NAALADL2: variants seen among roughly 807,000 people sequenced by gnomAD.
NAALADL2 encodes inactive N-acetylated-alpha-linked acidic dipeptidase-like protein 2.
A neutral mutation model predicts 87.2 loss-of-function variants in NAALADL2; 76 were observed. That is an observed-to-expected ratio of 0.87 (90% CI 0.72 to 1.05). NAALADL2 has a LOEUF of 1.05. Among genes scored for constraint, NAALADL2 ranks in the 50% least tolerant of loss-of-function variants. The pLI is 0.00. For synonymous variants in NAALADL2, 354 were observed against 331.0 expected, an observed-to-expected ratio of 1.07 and a Z score of -0.75; for missense variants, 1,089 against 945.8, an observed-to-expected ratio of 1.15 and a Z score of -1.99.
At chr3:174,683,166 A>G (rs970925003) in intron 2 of NAALADL2, among the ~76,000 whole-genome samples, 5 of 152,212 alleles carry the variant, frequency 3.3e-5, no homozygotes, top group African/African-American at 1.2e-4. Flanking sequence ...CAGAATAAAG[A>G]ATTAGTGAGC....
At chr3:175,470,965 C>G (rs1231019918) in intron 8 of NAALADL2, among the ~76,000 whole-genome samples, 1 of 152,204 alleles carries the variant, frequency 6.6e-6, no homozygotes, top group Non-Finnish European at 1.5e-5. Flanking sequence ...AGTGGTTTAT[C>G]TATATCTCCC....
At chr3:175,140,394 A>G (rs1268803793) in intron 2 of NAALADL2, among the ~76,000 whole-genome samples, 1 of 152,152 alleles carries the variant, frequency 6.6e-6, no homozygotes, top group African/African-American at 2.4e-5. Context: ...TCTGGGAATG[A>G]GAATTATGCA....
chr3:175,218,124 G>T, intron 2 of NAALADL2: 1 of 445,798 alleles, frequency 2.2e-6, no homozygotes, highest in Non-Finnish European at 4.5e-6. Flanking sequence ...TGAAATTAAG[G>T]TAATCAGCTT....
At chr3:174,573,454 G>A (rs987164011) in intron 2 of NAALADL2, among the ~76,000 whole-genome samples, 2 of 152,130 alleles carry the variant, frequency 1.3e-5, no homozygotes, top group African/African-American at 4.8e-5. Flanking sequence ...ATCGCATGGT[G>A]TAAATATTCC....
chr3:175,152,947 C>G (rs2108792755), intron 2 of NAALADL2, among the ~76,000 whole-genome samples: 1 of 151,838 alleles, frequency 6.6e-6, no homozygotes, highest in South Asian at 2.1e-4. Flanking sequence ...TAAATATGTT[C>G]CCAATAGAAG....
intron 4 of NAALADL2, among the ~76,000 whole-genome samples, chr3:175,320,785 G>A (rs1191894228): frequency 6.6e-6 from 1 of 151,894 alleles, no homozygotes; most frequent in Non-Finnish European, 1.5e-5. Flanking sequence ...GACTAAACCA[G>A]GAAGAAGTTG....
intron 2 of NAALADL2, among the ~76,000 whole-genome samples, chr3:175,190,805 T>C (rs1298015664): frequency 6.6e-6 from 1 of 151,514 alleles, no homozygotes; most frequent in Admixed American, 6.6e-5. Flanking sequence ...TGAAACCCCG[T>C]CTCTACTAAA....
chr3:174,714,150 A>G (rs993985677), intron 2 of NAALADL2, among the ~76,000 whole-genome samples: 4 of 152,022 alleles, frequency 2.6e-5, no homozygotes, highest in African/African-American at 9.7e-5. Flanking sequence ...ATTCTGTTCC[A>G]TTGGTCTATA....
intron 1 of NAALADL2, among the ~76,000 whole-genome samples, chr3:174,973,297 G>A (rs908368510): frequency 2.0e-5 from 3 of 152,136 alleles, no homozygotes; most frequent in Non-Finnish European, 4.4e-5. Context: ...AAAGAAGAAT[G>A]AGTGAAACAA....
intron 1 of NAALADL2, among the ~76,000 whole-genome samples, chr3:174,929,879 C>A (rs73047053): frequency 0.14 from 21,802 of 152,046 alleles, 1,963 homozygotes; most frequent in African/African-American, 0.25. Context: ...AAAATAGTAC[C>A]TACCTCATAA....
chr3:175,602,615 A>G (rs559680883), intron 10 of NAALADL2, among the ~76,000 whole-genome samples: 1 of 152,262 alleles, frequency 6.6e-6, no homozygotes, highest in South Asian at 2.1e-4. Context: ...ACTGGAAATG[A>G]TAATTGATCT....
rs549001657 is a variant in NAALADL2 at position 175,518,888 on chromosome 3, A to G, written c.1653+47130A>G. On this transcript the variant is annotated intron_variant, in intron 9 of 13. Coordinates refer to ENST00000454872, the MANE Select transcript of NAALADL2 (RefSeq NM_207015.3). ...GATTAATAGGAAAAAGGTCATACAAATTGTTTTAATATGTATACATAGGAG... is the reference window on the plus strand; with the variant it reads ...GATTAATAGGAAAAAGGTCATACAAGTTGTTTTAATATGTATACATAGGAG... Among the ~76,000 whole-genome samples, 5 of 152,338 alleles carry G rather than the reference A, an allele frequency of 3.3e-5. No individual in the cohort carries two copies. The South Asian group carries it at 8.3e-4, about 25-fold the overall frequency.
intron 1 of NAALADL2, among the ~76,000 whole-genome samples, chr3:174,546,711 G>A (rs532396776): frequency 2.6e-5 from 4 of 152,146 alleles, no homozygotes; most frequent in South Asian, 4.1e-4. Flanking sequence ...ATGCTTGAGC[G>A]CAGTGGAGCG....
At chr3:175,594,866 A>G (rs1722037023) in intron 10 of NAALADL2, among the ~76,000 whole-genome samples, 1 of 151,704 alleles carries the variant, frequency 6.6e-6, no homozygotes, top group South Asian at 2.1e-4. Flanking sequence ...TGCTTGCTGA[A>G]TTGTTTAAAT....
At chr3:175,171,893 C>T (rs4894699) in intron 2 of NAALADL2, among the ~76,000 whole-genome samples, 40,891 of 151,794 alleles carry the variant, frequency 0.27, 6,172 homozygotes, top group Non-Finnish European at 0.34. Context: ...TGATAGTTAC[C>T]AAAAGCTAGG....
intron 11 of NAALADL2, among the ~76,000 whole-genome samples, chr3:175,702,773 A>T (rs1302305892): frequency 2.0e-5 from 3 of 152,136 alleles, no homozygotes; most frequent in African/African-American, 7.2e-5. Flanking sequence ...ATATACTCTA[A>T]GAATCCCCTC....
chr3:174,780,132 C>T (rs941544344), intron 3 of NAALADL2, among the ~76,000 whole-genome samples: 5 of 152,062 alleles, frequency 3.3e-5, no homozygotes, highest in African/African-American at 1.2e-4. Flanking sequence ...TTGTTTGTGT[C>T]CTCTCTTATT....
rs929345001 is a variant in NAALADL2, at chr3:174,658,159, C to T, written c.-114-79482C>T. On this transcript the variant is annotated intron_variant, in intron 2 of 3. Transcript: ENST00000434257. ...TAAATAGTATGATTGTTGGATTGTA[C>T]GGTAAGAGCATGTTTAATTTGGTAA... 3.9e-5 allele frequency among the ~76,000 whole-genome samples: 6 copies of T among 152,082 alleles called. No homozygotes were observed. The East Asian group carries it at 7.7e-4, about 20-fold the overall frequency.
At chr3:175,419,202 C>T (rs990668830) in intron 5 of NAALADL2, among the ~76,000 whole-genome samples, 1 of 151,754 alleles carries the variant, frequency 6.6e-6, no homozygotes, top group Admixed American at 6.6e-5. Context: ...TTTCAAGTAT[C>T]CTTCTCAGTT....
Sources: gnomAD v4.1 joint callset for allele counts (sites outside exome capture counted in the v4.1 genomes callset) on GRCh38, gnomAD v4.1.1 for gene constraint, MANE v1.5 for transcripts, NCBI Gene and HGNC (gene_info 2026-07-23, HGNC 2026-07-21) for gene names.